The following CNTN5 variants were observed in gnomAD, a reference collection of about 807,000 sequenced individuals.
CNTN5 encodes contactin-5.
Under a neutral mutation model 129.1 loss-of-function variants are expected in CNTN5, and 77 were observed. The observed-to-expected ratio is 0.60, with a 90% CI of 0.50 to 0.72. The LOEUF (loss-of-function observed/expected upper bound fraction) is 0.72. CNTN5 is among the 30% of genes least tolerant of loss of function. CNTN5 has a pLI of 0.00. For missense variants in CNTN5, 1,478 were observed against 1,328.8 expected (o/e 1.11, Z -1.75); for synonymous variants, 509 against 465.6 (o/e 1.09, Z -1.20).
intron 3 of CNTN5, among the ~76,000 whole-genome samples, chr11:99,561,115 A>G (rs1165119565): frequency 6.6e-6 from 1 of 152,182 alleles, no homozygotes; most frequent in African/African-American, 2.4e-5. Flanking sequence ...GACTGGGCCA[A>G]GAAATATATA....
chr11:99,927,294 C>G (rs978557431), intron 7 of CNTN5, among the ~76,000 whole-genome samples: 5 of 152,226 alleles, frequency 3.3e-5, no homozygotes, highest in Non-Finnish European at 7.4e-5. Context: ...AGCAAGTTGC[C>G]TAAAATCCCA....
intron 1 of CNTN5, among the ~76,000 whole-genome samples, chr11:99,229,192 A>C (rs1860848715): frequency 6.6e-6 from 1 of 152,056 alleles, no homozygotes; most frequent in African/African-American, 2.4e-5. Context: ...GAACTCATAA[A>C]AATTTTTCAT....
chr11:100,168,934 G>C (rs1947740008), intron 13 of CNTN5, among the ~76,000 whole-genome samples: 2 of 151,904 alleles, frequency 1.3e-5, no homozygotes, highest in South Asian at 4.1e-4. Context: ...CCAACCCTTA[G>C]GGATGACTCT....
chr11:99,902,285 C>T (rs1325309942), intron 6 of CNTN5, among the ~76,000 whole-genome samples: 6 of 150,088 alleles, frequency 4.0e-5, no homozygotes, highest in African/African-American at 1.2e-4. Flanking sequence ...TTGAAAAATC[C>T]GAAAGAATAA....
At chr11:99,471,007 C>A (rs889200384) in intron 2 of CNTN5, among the ~76,000 whole-genome samples, 10 of 151,972 alleles carry the variant, frequency 6.6e-5, no homozygotes, top group Non-Finnish European at 2.9e-5. Context: ...ACTTTCAGGT[C>A]TGGGTTCAAA....
chr11:99,523,639 T>C (rs1011406310), intron 2 of CNTN5, among the ~76,000 whole-genome samples: 19 of 50,488 alleles, frequency 3.8e-4, no homozygotes, highest in Admixed American at 1.1e-3. Context: ...TAGAATAGAA[T>C]AGAATAGAAT....
At chr11:99,771,247 G>T (rs72987755) in intron 3 of CNTN5, among the ~76,000 whole-genome samples, 5,244 of 152,116 alleles carry the variant, frequency 0.034, 123 homozygotes, top group Non-Finnish European at 0.052. Context: ...GAAAAAGTCA[G>T]TATGCTGAAG....
At chr11:100,197,505 G>A (rs1034443419) in intron 15 of CNTN5, among the ~76,000 whole-genome samples, 7 of 151,924 alleles carry the variant, frequency 4.6e-5, no homozygotes, top group Non-Finnish European at 7.4e-5. Context: ...CCAAATAAAA[G>A]CATTTACTAT....
At chr11:100,072,577 A>T (rs957792832) in intron 12 of CNTN5, among the ~76,000 whole-genome samples, 6 of 152,216 alleles carry the variant, frequency 3.9e-5, no homozygotes, top group African/African-American at 1.4e-4. Context: ...TGTCTTTCCA[A>T]AGCGGGCAGA....
intron 6 of CNTN5, among the ~76,000 whole-genome samples, chr11:99,908,886 C>A (rs988351046): frequency 6.6e-6 from 1 of 151,712 alleles, no homozygotes; most frequent in African/African-American, 2.4e-5. Context: ...TTTTATAATC[C>A]CTTTGGAGGA....
intron 13 of CNTN5, among the ~76,000 whole-genome samples, chr11:100,190,727 C>CT (rs1555034946): frequency 4.5e-5 from 6 of 132,296 alleles, no homozygotes; most frequent in South Asian, 2.4e-4. Flanking sequence ...TGTTTTTATG[C>CT]TGTTTTTTTT....
chr11:100,029,906 T>C (rs1941622957), intron 9 of CNTN5, among the ~76,000 whole-genome samples: 1 of 152,206 alleles, frequency 6.6e-6, no homozygotes, highest in African/African-American at 2.4e-5. Context: ...GCTTCTGTCA[T>C]CTATTTAAAA....
At position 100,101,801 on chromosome 11, in the gene CNTN5, G is replaced by C. The variant is rs533450086; in HGVS notation, c.1580+27507G>C. 2.0e-5 allele frequency among the ~76,000 whole-genome samples: 3 copies of C among 152,190 alleles called. No individual in the cohort carries two copies. In the East Asian group the frequency reaches 5.8e-4, roughly 29 times the overall value. ...TATGCCTTTGCATCCTCGTAGCTTA[G>C]CTTCCATGTATATGTGAGAACATGC... On this transcript the variant is annotated intron_variant, in intron 13 of 24. Coordinates refer to ENST00000524871, the MANE Select transcript of CNTN5 (RefSeq NM_014361.4).
intron 3 of CNTN5, among the ~76,000 whole-genome samples, chr11:99,609,690 TAA>T (rs1211784613): frequency 1.3e-5 from 2 of 152,080 alleles, no homozygotes; most frequent in African/African-American, 4.8e-5. Flanking sequence ...ATTATTGAGA[TAA>T]GATAGGTATC....
chr11:99,547,444 G>A (rs1294840186), intron 2 of CNTN5, among the ~76,000 whole-genome samples: 1 of 152,178 alleles, frequency 6.6e-6, no homozygotes, highest in Non-Finnish European at 1.5e-5. Context: ...TATAGGAAAT[G>A]TAGAAAGTTG....
chr11:99,753,178 G>A (rs1944292203), intron 3 of CNTN5, among the ~76,000 whole-genome samples: 1 of 134,944 alleles, frequency 7.4e-6, no homozygotes, highest in South Asian at 2.4e-4. Flanking sequence ...GCTGGAGTAC[G>A]GTGGCGAGAT....
At chr11:100,013,037 G>T (rs1353917839) in intron 9 of CNTN5, among the ~76,000 whole-genome samples, 1 of 152,126 alleles carries the variant, frequency 6.6e-6, no homozygotes, top group Non-Finnish European at 1.5e-5. Context: ...GCCTTTTGCA[G>T]CAACATGTAC....
chr11:99,960,909 A>T (rs985270949), intron 8 of CNTN5, among the ~76,000 whole-genome samples: 1 of 152,044 alleles, frequency 6.6e-6, no homozygotes, highest in Non-Finnish European at 1.5e-5. Flanking sequence ...TAATAGGAAA[A>T]ACAGTAGAAC....
chr11:99,446,834 G>C (rs1461523400), intron 2 of CNTN5, among the ~76,000 whole-genome samples: 1 of 152,142 alleles, frequency 6.6e-6, no homozygotes, highest in East Asian at 1.9e-4. Context: ...AGGTTGAATG[G>C]ACTTCATTCC....
Sources: allele counts gnomAD v4.1 joint callset (sites outside exome capture counted in the v4.1 genomes callset), GRCh38; gene constraint gnomAD v4.1.1; transcripts MANE v1.5; gene names NCBI Gene and HGNC (gene_info 2026-07-23, HGNC 2026-07-21).